Variants in RNF182 observed in about 807,000 individuals in gnomAD.
The protein encoded by RNF182 is E3 ubiquitin-protein ligase RNF182.
RNF182 carries 15 observed loss-of-function variants against 14.4 expected under a neutral mutation model. The observed-to-expected ratio is 1.04, with a 90% CI of 0.70 to 1.60. The LOEUF (loss-of-function observed/expected upper bound fraction) is 1.60, where lower values mean the gene tolerates loss of function less well. RNF182 is among the 40% of genes most tolerant of loss of function. RNF182 has a pLI of 0.00. For missense variants in RNF182, 268 were observed against 294.8 expected, an observed-to-expected ratio of 0.91 and a Z score of 0.67; for synonymous variants, 128 against 122.9, an observed-to-expected ratio of 1.04 and a Z score of -0.27.
intron 1 of RNF182, among the ~76,000 whole-genome samples, chr6:13,936,719 T>G (rs1254567242): frequency 2.0e-5 from 3 of 152,220 alleles, no homozygotes; most frequent in African/African-American, 7.2e-5. Flanking sequence ...CTGTGGAGTC[T>G]GTAGGAGAGG....
At chr6:13,925,117 C>T (rs1758788365) in intron 1 of RNF182, 94 bp downstream of exon 1, 6 of 106,760 alleles carry the variant, frequency 5.6e-5, no homozygotes, top group Middle Eastern at 4.3e-3. Context: ...TCCTGGACGG[C>T]GCCGGGCCGC....
Position 13,973,966 on chromosome 6 carries a change from C to T in RNF182, c.-366-244C>T, listed in dbSNP as rs140006867. On this transcript the variant is annotated intron_variant, in intron 1 of 2. Transcript: ENST00000488300. ...CACTGAACATCATGATTGTTGTCCACAGCTTTTGACAGAAGTGAAGGCAGG... is the reference window on the plus strand; with the variant it reads ...CACTGAACATCATGATTGTTGTCCATAGCTTTTGACAGAAGTGAAGGCAGG... 5.3e-5 allele frequency among the ~76,000 whole-genome samples: 8 copies of T among 152,236 alleles called. No individual in the cohort carries two copies. The East Asian group carries it at 1.5e-3, about 29-fold the overall frequency.
intron 1 of RNF182, among the ~76,000 whole-genome samples, chr6:13,967,798 G>T (rs1760072947): frequency 6.6e-6 from 1 of 152,024 alleles, no homozygotes. Flanking sequence ...AACTCCTAAG[G>T]CTCAAGTGAT....
At chr6:13,973,574 G>A (rs887787106) in intron 1 of RNF182, among the ~76,000 whole-genome samples, 25 of 152,152 alleles carry the variant, frequency 1.6e-4, no homozygotes, top group Admixed American at 1.3e-3. Context: ...GTTCTCACAA[G>A]ATCTCATGGT....
At position 13,948,710 on chromosome 6, in the gene RNF182, T is replaced by C. The variant is rs553023256; in HGVS notation, c.-367+23687T>C. Among the ~76,000 whole-genome samples the C allele has an allele frequency of 2.0e-5, 3 of 152,328 alleles. No individual in the cohort carries two copies. In the East Asian group the frequency reaches 5.8e-4, roughly 29 times the overall value. On this transcript the variant is annotated intron_variant, in intron 1 of 2. Transcript: ENST00000488300. ...TAAATAGCAAAGGTGTAAAACACTTTATGTTATAAAATAGAATCTCAGGTC... is the reference window on the plus strand; with the variant it reads ...TAAATAGCAAAGGTGTAAAACACTTCATGTTATAAAATAGAATCTCAGGTC...
rs1178589618 is a variant in RNF182, at chr6:13,961,719, G to A, written c.-366-12491G>A. 2.0e-5 allele frequency among the ~76,000 whole-genome samples: 3 copies of A among 152,136 alleles called. No homozygotes were observed. In the East Asian group the frequency reaches 5.8e-4, roughly 29 times the overall value. ...AGATTGCTAGGTTATTAACTTGGCT[G>A]TATCCTAATAAATAGATTATGACTC... On this transcript the variant is annotated intron_variant, in intron 1 of 2. Transcript: ENST00000488300.
At position 13,979,067 on chromosome 6, in the gene RNF182, G is replaced by T. The variant is rs1228907308; in HGVS notation, c.*1204G>T. The T allele has an allele frequency of 6.0e-6, 1 of 167,110 alleles. No individual in the cohort carries two copies. Among genetic ancestry groups the T allele is most frequent in the Non-Finnish European group, 1.5e-5 (1 of 68,122 alleles). 10.4% of individuals were successfully genotyped at this position (167,110 alleles called of 1,614,324 possible). A position where few individuals can be genotyped will look rare whatever the true frequency, so the allele number is the denominator to read the frequency against. ...AAGGAAGTAAAATGGCAGGGGCAGA[G>T]TGCAGCTTAACATGTTGCTATCCCT... is the stretch of plus-strand genomic sequence containing the variant. On this transcript the variant is annotated 3_prime_UTR_variant, in exon 3 of 3. Coordinates refer to ENST00000488300, the MANE Select transcript of RNF182 (RefSeq NM_152737.4).
intron 1 of RNF182, among the ~76,000 whole-genome samples, chr6:13,938,175 A>ATTTTTTTTTTT (rs1169253099): frequency 2.1e-4 from 19 of 92,630 alleles, no homozygotes; most frequent in African/African-American, 3.0e-4. Context: ...AATTTTTTGT[A>ATTTTTTTTTTT]TTTTTTTTTT....
intron 1 of RNF182, among the ~76,000 whole-genome samples, chr6:13,966,242 C>T (rs1013818535): frequency 6.6e-6 from 1 of 151,840 alleles, no homozygotes; most frequent in Non-Finnish European, 1.5e-5. Flanking sequence ...CTCAATAATA[C>T]AAAGAAAAAG....
intron 1 of RNF182, among the ~76,000 whole-genome samples, chr6:13,967,736 A>AT (rs1003630247): frequency 1.8e-4 from 27 of 151,964 alleles, no homozygotes; most frequent in African/African-American, 5.1e-4. Context: ...AAATTTATTA[A>AT]TTTTTTTTTA....
Position 13,972,270 on chromosome 6 carries a change from A to C in RNF182, c.-366-1940A>C, listed in dbSNP as rs1760208863. 2.0e-5 allele frequency among the ~76,000 whole-genome samples: 3 copies of C among 149,834 alleles called. No individual in the cohort carries two copies. In the East Asian group the frequency reaches 5.9e-4, roughly 30 times the overall value. On this transcript the variant is annotated intron_variant, in intron 1 of 2. Transcript: ENST00000488300. ...CAGTGAGCTGAGATTGTGCCACTGC[A>C]CTCCAGCCTGGGTGACAGAGCAAGA...
chr6:13,932,877 C>T (rs1283484000), intron 1 of RNF182, among the ~76,000 whole-genome samples: 2 of 152,190 alleles, frequency 1.3e-5, no homozygotes, highest in Non-Finnish European at 2.9e-5. Context: ...AATTCTAAAC[C>T]TTCTCTGGAT....
intron 1 of RNF182, among the ~76,000 whole-genome samples, chr6:13,968,893 TACTA>T (rs1363611817): frequency 4.6e-5 from 7 of 152,204 alleles, no homozygotes; most frequent in Non-Finnish European, 7.3e-5. Context: ...ATTTCTGTAA[TACTA>T]AGTAGGAACC....
At chr6:13,938,889 C>G (rs1002599629) in intron 1 of RNF182, among the ~76,000 whole-genome samples, 6 of 152,078 alleles carry the variant, frequency 3.9e-5, no homozygotes, top group Admixed American at 6.6e-5. Flanking sequence ...TTGAGACCAG[C>G]CTGGCCAACA....
chr6:13,934,707 T>C (rs1759063336), intron 1 of RNF182, among the ~76,000 whole-genome samples: 1 of 152,194 alleles, frequency 6.6e-6, no homozygotes, highest in Admixed American at 6.5e-5. Context: ...TCTAGTTTGT[T>C]CATTATTCTC....
chr6:13,936,197 T>C (rs1048183132), intron 1 of RNF182, among the ~76,000 whole-genome samples: 1 of 152,144 alleles, frequency 6.6e-6, no homozygotes, highest in Non-Finnish European at 1.5e-5. Context: ...GCCTCCAACA[T>C]TGGGAATTAC....
chr6:13,973,358 G>T (rs925676848), intron 1 of RNF182, among the ~76,000 whole-genome samples: 12 of 152,188 alleles, frequency 7.9e-5, no homozygotes, highest in African/African-American at 2.7e-4. Flanking sequence ...AAGACATTGG[G>T]GGACTGTTGG....
chr6:13,960,697 G>GCGCGCGCGCA lies in RNF182; in HGVS notation c.-366-13511_-366-13510insCGCGCGCACG, dbSNP rs140903588. 1.6e-3 allele frequency among the ~76,000 whole-genome samples: 242 copies of GCGCGCGCGCA among 149,830 alleles called. 2 individuals are homozygous for GCGCGCGCGCA. The Middle Eastern group carries it at 0.017, about 11-fold the overall frequency. ...TGTGTGTGTGTGTGTGTGTGTGCGC[G>GCGCGCGCGCA]CGTGCACATGCATGTGATGTACAGT... On this transcript the variant is annotated intron_variant, in intron 1 of 2. Coordinates refer to ENST00000488300, the MANE Select transcript of RNF182 (RefSeq NM_152737.4).
At chr6:13,972,797 AG>A (rs759964894) in intron 1 of RNF182, among the ~76,000 whole-genome samples, 35 of 152,180 alleles carry the variant, frequency 2.3e-4, no homozygotes, top group Non-Finnish European at 3.8e-4. Context: ...AGTTTGCTGC[AG>A]GGGTGGGGCC....
Sources: gnomAD v4.1 joint callset for allele counts (sites outside exome capture counted in the v4.1 genomes callset) on GRCh38, gnomAD v4.1.1 for gene constraint, MANE v1.5 for transcripts, NCBI Gene and HGNC (gene_info 2026-07-23, HGNC 2026-07-21) for gene names.